The following DSCAM variants were observed in gnomAD, a reference collection of about 807,000 sequenced individuals.
DSCAM encodes the protein DS cell adhesion molecule.
Under a neutral mutation model 217.7 loss-of-function variants are expected in DSCAM, and 47 were observed. The observed-to-expected ratio is 0.22, with a 90% CI of 0.17 to 0.28. The LOEUF (loss-of-function observed/expected upper bound fraction) is 0.28. Among genes scored for constraint, DSCAM ranks in the 10% least tolerant of loss-of-function variants. The probability of loss-of-function intolerance (pLI) is 1.00; values close to 1 mark genes in which losing one functional copy is unlikely to be tolerated. For missense variants in DSCAM, 2,080 were observed against 2,618.3 expected (o/e 0.79, Z 4.49); for synonymous variants, 1,056 against 1,015.3 (o/e 1.04, Z -0.76).
At chr21:40,355,263 T>C (rs886639828) in intron 4 of DSCAM, among the ~76,000 whole-genome samples, 4 of 152,114 alleles carry the variant, frequency 2.6e-5, no homozygotes, top group African/African-American at 9.7e-5. Flanking sequence ...TCTGAGAAGA[T>C]GGTATTTGAG....
At chr21:40,706,180 C>CAAAAAAAA (rs560131166) in intron 2 of DSCAM, among the ~76,000 whole-genome samples, 1 of 99,464 alleles carries the variant, frequency 1.0e-5, no homozygotes, top group African/African-American at 3.5e-5. Context: ...ACTCCAGTCT[C>CAAAAAAAA]AAAAAAAAAA....
chr21:40,745,204 G>A (rs2091162815), intron 1 of DSCAM, among the ~76,000 whole-genome samples: 1 of 151,976 alleles, frequency 6.6e-6, no homozygotes, highest in Admixed American at 6.6e-5. Context: ...TAGTTCCCCA[G>A]GAGATAAAAG....
chr21:40,834,396 G>C (rs899075372), intron 1 of DSCAM, among the ~76,000 whole-genome samples: 1 of 147,092 alleles, frequency 6.8e-6, no homozygotes, highest in African/African-American at 2.5e-5. Flanking sequence ...GACAGAGTGA[G>C]ACTCTGTCTC....
rs1156350423 is a variant in DSCAM at position 40,200,015 on chromosome 21, T to TC, written c.2357-10778dup. 3.5e-5 allele frequency among the ~76,000 whole-genome samples: 4 copies of TC among 115,588 alleles called. No homozygotes were observed. In the East Asian group the frequency reaches 8.7e-4, roughly 25 times the overall value. 75.8% of individuals were successfully genotyped at this position (115,588 alleles called of 152,430 possible). Reference sequence around the variant, plus strand: ...AGCGAATACTTGCTGTCCTCAGGATTCTTTTTTTTTTTTTTTTGGTAAAAT... The same window carrying TC: ...AGCGAATACTTGCTGTCCTCAGGATTCCTTTTTTTTTTTTTTTTGGTAAAAT... On this transcript the variant is annotated intron_variant, in intron 11 of 32. Coordinates refer to ENST00000400454, the MANE Select transcript of DSCAM (RefSeq NM_001389.5).
intron 11 of DSCAM, among the ~76,000 whole-genome samples, chr21:40,203,363 T>A (rs1338756903): frequency 1.3e-5 from 2 of 152,232 alleles, no homozygotes; most frequent in African/African-American, 4.8e-5. Flanking sequence ...TGAACCAGCA[T>A]CACCTGGGAA....
At chr21:40,225,641 G>C (rs1294183874) in intron 11 of DSCAM, among the ~76,000 whole-genome samples, 1 of 152,128 alleles carries the variant, frequency 6.6e-6, no homozygotes, top group African/African-American at 2.4e-5. Context: ...AGATAGTGCA[G>C]ACCTTGTTGA....
At chr21:40,432,449 C>A (rs2075543855) in intron 3 of DSCAM, among the ~76,000 whole-genome samples, 2 of 152,056 alleles carry the variant, frequency 1.3e-5, no homozygotes, top group African/African-American at 4.8e-5. Context: ...TTATGAGGAC[C>A]CTTGGGGTTA....
At chr21:40,245,448 T>C (rs2073210777) in intron 11 of DSCAM, among the ~76,000 whole-genome samples, 1 of 152,204 alleles carries the variant, frequency 6.6e-6, no homozygotes, top group Non-Finnish European at 1.5e-5. Flanking sequence ...CAGTCCATCA[T>C]AGCTTGCTGG....
chr21:40,480,432 T>C (rs2075972606), intron 3 of DSCAM, among the ~76,000 whole-genome samples: 1 of 152,234 alleles, frequency 6.6e-6, no homozygotes, highest in African/African-American at 2.4e-5. Context: ...TGAGACAGTC[T>C]TGTTCATAGC....
intron 1 of DSCAM, among the ~76,000 whole-genome samples, chr21:40,763,678 T>C (rs909267521): frequency 6.6e-6 from 1 of 152,212 alleles, no homozygotes; most frequent in Non-Finnish European, 1.5e-5. Flanking sequence ...GGCATCATGC[T>C]ACCTGCCTTC....
chr21:40,043,201 A>T (rs190658220), intron 31 of DSCAM, among the ~76,000 whole-genome samples: 1 of 152,272 alleles, frequency 6.6e-6, no homozygotes, highest in Admixed American at 6.5e-5. Context: ...TTCTGTTGTG[A>T]TTACCCTTTA....
intron 13 of DSCAM, among the ~76,000 whole-genome samples, chr21:40,187,599 T>C (rs769449712): frequency 6.6e-5 from 10 of 152,186 alleles, no homozygotes; most frequent in Non-Finnish European, 1.3e-4. Context: ...TTCCTAAAAT[T>C]GAGCAAAGAA....
At chr21:40,519,865 C>T (rs577975850) in intron 3 of DSCAM, among the ~76,000 whole-genome samples, 2,274 of 150,512 alleles carry the variant, frequency 0.015, 66 homozygotes, top group African/African-American at 0.051. Context: ...TGTGTGTATG[C>T]GTGTGTGTGT....
chr21:40,121,027 T>G (rs1765280731), intron 20 of DSCAM, among the ~76,000 whole-genome samples: 1 of 152,170 alleles, frequency 6.6e-6, no homozygotes, highest in Non-Finnish European at 1.5e-5. Flanking sequence ...GCATATTGTG[T>G]CCTGATTTAT....
At chr21:40,711,761 T>G (rs1014628755) in intron 1 of DSCAM, among the ~76,000 whole-genome samples, 1 of 152,188 alleles carries the variant, frequency 6.6e-6, no homozygotes, top group Non-Finnish European at 1.5e-5. Context: ...GCAACAATGC[T>G]GAAGGTGCAT....
intron 3 of DSCAM, among the ~76,000 whole-genome samples, chr21:40,594,498 C>T (rs1423743408): frequency 6.6e-6 from 1 of 152,130 alleles, no homozygotes; most frequent in Non-Finnish European, 1.5e-5. Context: ...AAAACACTAA[C>T]GACTGTCTCA....
At chr21:40,488,285 C>T (rs2076046986) in intron 3 of DSCAM, among the ~76,000 whole-genome samples, 1 of 152,216 alleles carries the variant, frequency 6.6e-6, no homozygotes. Flanking sequence ...GCAGCAAGGG[C>T]TGCTCTGCTA....
chr21:40,606,544 T>C (rs1015452057), intron 3 of DSCAM, among the ~76,000 whole-genome samples: 1 of 152,234 alleles, frequency 6.6e-6, no homozygotes, highest in African/African-American at 2.4e-5. Flanking sequence ...GTGGTTGAAT[T>C]TGGCCTCCAA....
chr21:40,769,289 A>G (rs2091424024), intron 1 of DSCAM, among the ~76,000 whole-genome samples: 1 of 152,230 alleles, frequency 6.6e-6, no homozygotes. Flanking sequence ...TGCAGCACAG[A>G]AAATTCTCAG....
Sources: gnomAD v4.1 joint callset for allele counts (sites outside exome capture counted in the v4.1 genomes callset) on GRCh38, gnomAD v4.1.1 for gene constraint, MANE v1.5 for transcripts, NCBI Gene and HGNC (gene_info 2026-07-23, HGNC 2026-07-21) for gene names.